The following CROCC variants were observed in gnomAD, a reference collection of about 807,000 sequenced individuals.
The protein encoded by CROCC is ciliary rootlet coiled-coil, rootletin.
CROCC carries 180 observed loss-of-function variants against 245.2 expected under a neutral mutation model. The ratio of observed to expected loss-of-function variants is 0.73; its 90% CI spans 0.65 to 0.83. The LOEUF is 0.83. Among genes scored for constraint, CROCC ranks in the 40% least tolerant of loss-of-function variants. The pLI is 0.00. For missense variants in CROCC, 2,688 were observed against 2,779.4 expected, an observed-to-expected ratio of 0.97 and a Z score of 0.74; for synonymous variants, 1,205 against 1,241.6, an observed-to-expected ratio of 0.97 and a Z score of 0.62.
intron 30 of CROCC, 105 bp from the exon 31 acceptor site, chr1:16,968,097 AC>A: frequency 8.7e-7 from 1 of 1,155,446 alleles, no homozygotes; most frequent in Non-Finnish European, 1.3e-6. Context: ...CACGTAGGTC[AC>A]CCTTCGAGGC....
chr1:16,936,334 C>G (rs1270814197), intron 8 of CROCC, among the ~76,000 whole-genome samples: 1 of 152,270 alleles, frequency 6.6e-6, no homozygotes. Flanking sequence ...GTGTCATGAT[C>G]TCGGCTTACT....
rs1410462407 is a variant in CROCC, at chr1:16,930,353, G to A, written c.683+6G>A. 4.3e-6 allele frequency: 7 copies of A among 1,610,760 alleles called. No individual in the cohort carries two copies. The highest frequency in any genetic ancestry group is 2.2e-4 in the Middle Eastern group (1 of 4,550). On this transcript the variant is annotated splice_donor_region_variant and intron_variant, in intron 6 of 36. Coordinates refer to ENST00000375541, the MANE Select transcript of CROCC (RefSeq NM_014675.5). ...CTGGAGGAGGAGCAGCAGAGGTGAG[G>A]GCGCAGCAGGGAGGGCCAGGGCTGG...
Position 16,938,962 on chromosome 1 carries a change from C to A in CROCC, c.1428C>A (p.Thr476=), listed in dbSNP as rs373070567. ...SGVQLSGSER[T]ADASNGSLRG... Reference sequence around the variant, plus strand: ...TCCAGCTGAGCGGCTCTGAGCGCACCGCGGATGCTTCCAACGGCAGCCTGC... The same window carrying A: ...TCCAGCTGAGCGGCTCTGAGCGCACAGCGGATGCTTCCAACGGCAGCCTGC... The change falls in exon 12 of 37, where the codon ACC becomes ACA. Residue 476 remains threonine (T), a synonymous_variant. Transcript: ENST00000375541. The A allele has an allele frequency of 6.2e-7, 1 of 1,605,292 alleles. No homozygotes were observed. Among genetic ancestry groups the A allele is most frequent in the Non-Finnish European group, 8.5e-7 (1 of 1,177,518 alleles).
At chr1:16,940,121 A>G (rs56247222) in intron 13 of CROCC, 28 bp downstream of exon 13, 99,380 of 1,552,966 alleles carry the variant, frequency 0.064, 4 homozygotes, top group Admixed American at 0.081. Context: ...GCTGGGGGGT[A>G]CTGAAGAATA....
chr1:16,948,348 CG>C lies in CROCC; in HGVS notation c.2535del (p.Arg846GlyfsTer29). 1 of 1,573,536 alleles carries C rather than the reference CG, an allele frequency of 6.4e-7. No homozygotes were observed. The highest frequency in any genetic ancestry group is 8.6e-7 in the Non-Finnish European group (1 of 1,164,194). ...QLAQLSRQLS[G>X]REQELEQARR... ...GGGGCCAGCTCTCCCGGCAGCTGAG[CG>C]GGCGGGAGCAGGAGCTGGAGCAGGC... On this transcript the variant is annotated frameshift_variant, in exon 18 of 37. Transcript: ENST00000375541. LOFTEE classifies it high-confidence loss of function.
chr1:16,948,307 A>C, intron 17 of CROCC, 24 bp from the exon 18 acceptor site: 1 of 1,539,072 alleles, frequency 6.5e-7, no homozygotes, highest in Non-Finnish European at 8.7e-7. Context: ...TGGGAGTGCT[A>C]CTCAGTCTCT....
intron 2 of CROCC, among the ~76,000 whole-genome samples, chr1:16,923,674 CTTTTTTTTTTTT>C (rs61063425): frequency 1.1e-4 from 11 of 103,512 alleles, no homozygotes; most frequent in African/African-American, 3.3e-4. Context: ...ACTATTCTAC[CTTTTTTTTTTTT>C]TTTTTTTTTT....
chr1:16,965,851 C>T lies in CROCC; in HGVS notation c.4534C>T (p.Arg1512Trp), dbSNP rs144701609. ...CCCGGAGGCAGTGCGCGGGGCCCTC[C>T]GGGAATTCCTGCAAGAGCTGCGGAG... ...LDPEAVRGAL[R>W]EFLQELRSAQ... The change falls in exon 28 of 37, where the codon CGG becomes TGG. Residue 1512 changes from arginine to tryptophan, a missense_variant. Physicochemically the swap from Arg to Trp is moderately radical, Grantham distance 101. Transcript: ENST00000375541. 399 of 1,613,612 alleles carry T rather than the reference C, an allele frequency of 2.5e-4. No homozygotes were observed. Among genetic ancestry groups the T allele is most frequent in the Admixed American group, 3.2e-4 (19 of 60,020 alleles).
At chr1:16,939,292 AAT>A (rs1258860299) in intron 12 of CROCC, 150 bp downstream of exon 12, 1 of 760,010 alleles carries the variant, frequency 1.3e-6, no homozygotes, top group Non-Finnish European at 1.9e-6. Flanking sequence ...AGCCCTGAGA[AAT>A]AGTTTCTGAG....
At chr1:16,947,355 G>A (rs1159370023) in intron 17 of CROCC, among the ~76,000 whole-genome samples, 1 of 152,222 alleles carries the variant, frequency 6.6e-6, no homozygotes, top group Non-Finnish European at 1.5e-5. Context: ...TGTAGTCCCA[G>A]CTACTTGGGA....
intron 16 of CROCC, 122 bp from the exon 17 acceptor site, chr1:16,946,639 A>G (rs1408728769): frequency 6.8e-6 from 8 of 1,174,444 alleles, no homozygotes; most frequent in African/African-American, 1.5e-5. Context: ...ACCCAAGGGC[A>G]CTGTCCCTCA....
rs1375767983 is a variant in CROCC, at chr1:16,966,604, G to C, written c.4860+33G>C. The C allele has an allele frequency of 5.5e-6, 8 of 1,450,376 alleles. No homozygotes were observed. The highest frequency in any genetic ancestry group is 7.2e-6 in the Non-Finnish European group (8 of 1,104,080). The allele number at this position is 1,450,376 out of a possible 1,614,324, so 89.8% of individuals were successfully genotyped here. A position where few individuals can be genotyped will look rare whatever the true frequency, so the allele number is the denominator to read the frequency against. ...GGAGCTGAGGGCCAGCGGGGCGACG[G>C]GGAATCTGTGTACCCGAGTGAGTGT... On this transcript the variant is annotated intron_variant, in intron 30 of 36. Coordinates refer to ENST00000375541, the MANE Select transcript of CROCC (RefSeq NM_014675.5). This position sits in a 1 kb window ranked among gnomAD's most constrained non-coding sequence, Gnocchi z 4.8.
At chr1:16,915,352 G>C (rs1410554959) in intron 1 of CROCC, among the ~76,000 whole-genome samples, 63 of 152,366 alleles carry the variant, frequency 4.1e-4, no homozygotes, top group Admixed American at 1.5e-3. Context: ...ATGGAGCTTT[G>C]GCCTTAGCCC....
At chr1:16,915,728 CG>C (rs1310863016) in intron 1 of CROCC, among the ~76,000 whole-genome samples, 4 of 152,064 alleles carry the variant, frequency 2.6e-5, no homozygotes, top group African/African-American at 9.7e-5. Context: ...AGCTGAGAGT[CG>C]GGGTAGCTCC....
chr1:16,958,484 CAT>C (rs2076281169), intron 25 of CROCC, 97 bp from the exon 26 acceptor site: 5 of 1,394,940 alleles, frequency 3.6e-6, no homozygotes, highest in Non-Finnish European at 4.9e-6. Context: ...GTATTTGATA[CAT>C]GTGTCCCTAC....
At chr1:16,969,009 A>C in intron 31 of CROCC, 107 bp from the exon 32 acceptor site, 1 of 1,050,190 alleles carries the variant, frequency 9.5e-7, no homozygotes, top group Non-Finnish European at 1.4e-6. Flanking sequence ...CCCAGAGAGA[A>C]GTGGGAAGGG....
At chr1:16,961,773 G>A (rs895629454) in intron 27 of CROCC, among the ~76,000 whole-genome samples, 1 of 151,838 alleles carries the variant, frequency 6.6e-6, no homozygotes, top group Non-Finnish European at 1.5e-5. Flanking sequence ...TACAATGTCT[G>A]CTTAATTTTT....
chr1:16,946,215 C>G (rs776275590), intron 15 of CROCC, 44 bp from the exon 16 acceptor site: 2 of 1,596,044 alleles, frequency 1.3e-6, no homozygotes, highest in Non-Finnish European at 1.7e-6. Context: ...CACCTCCTCC[C>G]GACCTTTCTG....
At chr1:16,917,252 T>G (rs1309177483), upstream of CROCC, among the ~76,000 whole-genome samples, 1 of 152,302 alleles carries the variant, frequency 6.6e-6, no homozygotes, top group Non-Finnish European at 1.5e-5. Flanking sequence ...CGCTGTCATC[T>G]GTAAAGTGAG....
Sources: allele counts gnomAD v4.1 joint callset (sites outside exome capture counted in the v4.1 genomes callset), GRCh38; gene constraint gnomAD v4.1.1; non-coding constraint Gnocchi (gnomAD v3.1); transcripts MANE v1.5; gene names NCBI Gene and HGNC (gene_info 2026-07-23, HGNC 2026-07-21).